The following USP12 variants were observed in gnomAD, a reference collection of about 807,000 sequenced individuals.
The protein encoded by USP12 is ubiquitin carboxyl-terminal hydrolase 12.
In USP12, 19 loss-of-function variants were observed where a neutral mutation model predicts 45.5. The observed-to-expected ratio is 0.42, with a 90% confidence interval of 0.29 to 0.61. The LOEUF (loss-of-function observed/expected upper bound fraction) is 0.61, where lower values mean the gene tolerates loss of function less well. USP12 is among the 20% of genes least tolerant of loss of function. The probability of loss-of-function intolerance (pLI) is 0.22; values close to 1 mark genes in which losing one functional copy is unlikely to be tolerated. For synonymous variants in USP12, 149 were observed against 148.8 expected, an observed-to-expected ratio of 1.00 and a Z score of -0.01; for missense variants, 242 against 447.7, an observed-to-expected ratio of 0.54 and a Z score of 4.15.
At chr13:27,132,979 T>A (rs1159036) in intron 1 of USP12, among the ~76,000 whole-genome samples, 114,260 of 152,168 alleles carry the variant, frequency 0.75, 45,632 homozygotes, top group South Asian at 0.92. Context: ...ACAGCCATGC[T>A]CCTACTATGA....
intron 3 of USP12, among the ~76,000 whole-genome samples, chr13:27,101,555 A>G (rs1458196069): frequency 6.6e-6 from 1 of 152,214 alleles, no homozygotes; most frequent in African/African-American, 2.4e-5. Context: ...TCCCTCCGTC[A>G]TGGAACTGAC....
At chr13:27,115,815 C>T (rs1178577157) in intron 2 of USP12, among the ~76,000 whole-genome samples, 3 of 152,242 alleles carry the variant, frequency 2.0e-5, no homozygotes, top group Middle Eastern at 3.4e-3. Context: ...TCAAATACCC[C>T]ACAGACACAT....
In USP12 at chr13:27,075,199, G is replaced by A. The variant is rs1873420899; in HGVS notation, c.924C>T (p.His308=). The A allele has an allele frequency of 3.1e-6, 5 of 1,613,866 alleles. No homozygotes were observed. Among genetic ancestry groups the A allele is most frequent in the Non-Finnish European group, 4.2e-6 (5 of 1,179,822 alleles). ...CCCGGAGTTGCAATTACCTTCCACA[G>A]TGAACCACAACAGCAACAAGGTCGT... ...RMYDLVAVVV[H]CGSGPNRGHY... is the part of the protein sequence containing the mutation. Residue 308 remains histidine (H), a synonymous_variant, in exon 7 of 9, where the codon CAC becomes CAT. Coordinates refer to ENST00000282344, the MANE Select transcript of USP12 (RefSeq NM_182488.4).
At chr13:27,071,451 T>C (rs1211593953) in intron 7 of USP12, among the ~76,000 whole-genome samples, 1 of 152,184 alleles carries the variant, frequency 6.6e-6, no homozygotes, top group Admixed American at 6.5e-5. Context: ...GCTTCTATAA[T>C]AAAAGACATA....
rs1220140698 is a variant in USP12 at position 27,171,602 on chromosome 13, A to G, written c.38T>C (p.Ile13Thr). Residue 13 changes from isoleucine (I) to threonine (T), a missense_variant, in exon 1 of 9, where the codon ATC becomes ACC. This residue lies in a region of USP12 where 19 missense variants were observed against 16.1 expected (regional missense o/e 1.18). Transcript: ENST00000282344. ...CTCGCCGCCACCTACCATGGTACAG[A>G]TGGAGGCGAATTTGGAGACTGTCAT... is the stretch of plus-strand genomic sequence containing the variant. The part of the protein sequence containing the change: ...ILMTVSKFAS[I>T]CTMGANASAL... 6.3e-6 allele frequency: 8 copies of G among 1,279,056 alleles called. No individual in the cohort carries two copies. The highest frequency in any genetic ancestry group is 8.2e-6 in the Non-Finnish European group (8 of 979,612). The allele number at this position is 1,279,056 out of a possible 1,614,324, so 79.2% of individuals were successfully genotyped here.
intron 1 of USP12, among the ~76,000 whole-genome samples, chr13:27,171,085 C>A (rs1447042392): frequency 2.0e-5 from 3 of 151,140 alleles, no homozygotes; most frequent in Non-Finnish European, 4.4e-5. Flanking sequence ...TCCTGCCCGC[C>A]GACCCCCACC....
rs900935968 is a variant in USP12 at position 27,095,700 on chromosome 13, A to T, written c.474T>A (p.Ile158=). The change falls in exon 4 of 9, where the codon ATT becomes ATA. Residue 158 remains isoleucine, a synonymous_variant. Transcript: ENST00000282344. ...GTGTGCTGTTATTATTTTCATTATC[A>T]ATATTACCATTAGGTAAACGACCAT... ...KQNGRLPNGN[I]DNENNNSTPD... 3 of 1,613,254 alleles carry T rather than the reference A, an allele frequency of 1.9e-6. No individual in the cohort carries two copies. In the African/African-American group the frequency reaches 4.0e-5, roughly 22 times the overall value.
At chr13:27,149,782 T>C (rs925289599) in intron 1 of USP12, among the ~76,000 whole-genome samples, 2 of 152,250 alleles carry the variant, frequency 1.3e-5, no homozygotes, top group African/African-American at 4.8e-5. Flanking sequence ...TAGTGGGGGA[T>C]GGTTTCAGGA....
rs375660025 is a variant in USP12 at position 27,095,707 on chromosome 13, C to T, written c.467G>A (p.Gly156Asp). 76 of 1,613,242 alleles carry T rather than the reference C, an allele frequency of 4.7e-5. No individual in the cohort carries two copies. The Middle Eastern group carries it at 1.2e-3, about 25-fold the overall frequency. ...QEKQNGRLPN[G>D]NIDNENNNST... ...GTTATTATTTTCATTATCAATATTA[C>T]CATTAGGTAAACGACCATTTTGTTT... The change falls in exon 4 of 9, where the codon GGT becomes GAT. Residue 156 changes from glycine to aspartate, a missense_variant. Physicochemically the swap from Gly to Asp is moderately conservative, Grantham distance 94. This residue lies in a region of USP12 where 40 missense variants were observed against 38.6 expected (regional missense o/e 1.04). Coordinates refer to ENST00000282344, the MANE Select transcript of USP12 (RefSeq NM_182488.4).
rs1444017905 is a variant in USP12 at position 27,067,404 on chromosome 13, A to G, written c.*1879T>C. 6.6e-6 allele frequency: 1 copy of G among 152,204 alleles called. No homozygotes were observed. The highest frequency in any genetic ancestry group is 1.5e-5 in the Non-Finnish European group (1 of 68,038). 9.4% of individuals were successfully genotyped at this position (152,204 alleles called of 1,614,324 possible). On this transcript the variant is annotated 3_prime_UTR_variant, in exon 9 of 9. Transcript: ENST00000282344. ...ACTGTTGATTGTGATTCTCTGTGGC[A>G]TGTTGGTAGATCAGGCTGGCTTATA...
intron 1 of USP12, among the ~76,000 whole-genome samples, chr13:27,119,872 T>TA (rs1406664811): frequency 3.9e-5 from 6 of 152,218 alleles, no homozygotes; most frequent in Non-Finnish European, 8.8e-5. Context: ...CTTCCTGTGG[T>TA]AATGACACTG....
intron 2 of USP12, among the ~76,000 whole-genome samples, chr13:27,107,479 C>T (rs998641147): frequency 6.6e-5 from 10 of 151,966 alleles, no homozygotes; most frequent in Admixed American, 5.2e-4. Flanking sequence ...TAATAAAAAT[C>T]AGAAAAATAA....
At chr13:27,138,680 A>G (rs2137817967) in intron 1 of USP12, among the ~76,000 whole-genome samples, 1 of 152,052 alleles carries the variant, frequency 6.6e-6, no homozygotes, top group African/African-American at 2.4e-5. Context: ...AGATGGTGTC[A>G]CTCTTGCCAT....
chr13:27,089,365 A>G (rs1874209305), intron 6 of USP12: 1 of 152,874 alleles, frequency 6.5e-6, no homozygotes. Context: ...TTAGGGTAAA[A>G]AAGCTTTCTT....
chr13:27,107,866 T>C (rs1226940735), intron 2 of USP12, among the ~76,000 whole-genome samples: 1 of 152,062 alleles, frequency 6.6e-6, no homozygotes, highest in Non-Finnish European at 1.5e-5. Flanking sequence ...TGGCAATCAT[T>C]AAAAAGTCAG....
At chr13:27,160,785 T>A (rs1473318564) in intron 1 of USP12, among the ~76,000 whole-genome samples, 3 of 151,878 alleles carry the variant, frequency 2.0e-5, no homozygotes, top group Non-Finnish European at 4.4e-5. Flanking sequence ...ATGTTTCTTT[T>A]TTTTTTTTTT....
intron 3 of USP12, 146 bp from the exon 4 acceptor site, chr13:27,095,976 A>C (rs542631704): frequency 1.0e-4 from 57 of 561,560 alleles, no homozygotes; most frequent in Admixed American, 3.2e-4. Context: ...TAACTTTCGC[A>C]TCTAAAACTT....
At chr13:27,161,898 T>TA (rs1023280024) in intron 1 of USP12, among the ~76,000 whole-genome samples, 5 of 127,284 alleles carry the variant, frequency 3.9e-5, no homozygotes, top group African/African-American at 1.3e-4. Flanking sequence ...TAAAAAAAAA[T>TA]AAAAAAAAAT....
chr13:27,161,124 C>G (rs138652562), intron 1 of USP12, among the ~76,000 whole-genome samples: 2 of 152,176 alleles, frequency 1.3e-5, no homozygotes, highest in African/African-American at 2.4e-5. Context: ...GCTACTACCC[C>G]CAAGGTACCA....
Sources: gnomAD v4.1 joint callset for allele counts (sites outside exome capture counted in the v4.1 genomes callset) on GRCh38, gnomAD v4.1.1 for gene constraint, gnomAD v4.1.1 regional missense constraint, MANE v1.5 for transcripts, NCBI Gene and HGNC (gene_info 2026-07-23, HGNC 2026-07-21) for gene names.